MIPOL1: variants seen among roughly 807,000 people sequenced by gnomAD.
MIPOL1 encodes mirror-image polydactyly 1.
A neutral mutation model predicts 60.9 loss-of-function variants in MIPOL1; 57 were observed. That is an observed-to-expected ratio of 0.94 (90% CI 0.76 to 1.17). MIPOL1 has a LOEUF of 1.17. Ranked by LOEUF, MIPOL1 falls within the 50% of genes most tolerant of loss-of-function variation. The pLI is 0.00. For missense variants in MIPOL1, 551 were observed against 511.6 expected, an observed-to-expected ratio of 1.08 and a Z score of -0.74; for synonymous variants, 179 against 168.8, an observed-to-expected ratio of 1.06 and a Z score of -0.47.
chr14:37,241,573 T>A (rs1203470531), intron 1 of MIPOL1, among the ~76,000 whole-genome samples: 1 of 1,488 alleles, frequency 6.7e-4, no homozygotes, highest in Non-Finnish European at 1.1e-3. Context: ...CGGCAGGGTG[T>A]GGGGGTGAGG....
At chr14:37,397,449 A>G (rs951106724) in intron 10 of MIPOL1, among the ~76,000 whole-genome samples, 7 of 152,070 alleles carry the variant, frequency 4.6e-5, no homozygotes, top group Admixed American at 1.3e-4. Context: ...TTAATGTTCT[A>G]TTTTTGTGCT....
At chr14:37,492,720 A>G (rs762853591) in intron 11 of MIPOL1, among the ~76,000 whole-genome samples, 57 of 151,772 alleles carry the variant, frequency 3.8e-4, no homozygotes, top group Non-Finnish European at 6.6e-4. Flanking sequence ...TTTATCTTCT[A>G]AGTTCAACCC....
At chr14:37,423,675 G>T (rs935992504) in intron 11 of MIPOL1, 5 of 152,014 alleles carry the variant, frequency 3.3e-5, no homozygotes, top group African/African-American at 1.2e-4. Flanking sequence ...AAATCCTCAA[G>T]TCTGAAATGT....
rs565085187 is a variant in MIPOL1 at position 37,547,675 on chromosome 14, A to G, written c.*704A>G. On this transcript the variant is annotated 3_prime_UTR_variant, in exon 13 of 13. Transcript: ENST00000684589. ...TGTGTACTTATAAATTCACATTGTCAGTATTTTTTAATATTGGGTCTGAAT... is the reference window on the plus strand; with the variant it reads ...TGTGTACTTATAAATTCACATTGTCGGTATTTTTTAATATTGGGTCTGAAT... The G allele has an allele frequency of 7.9e-5, 12 of 152,720 alleles. No individual in the cohort carries two copies. Among genetic ancestry groups the G allele is most frequent in the African/African-American group, 2.9e-4 (12 of 41,588 alleles). The allele number at this position is 152,720 out of a possible 1,614,324, so 9.5% of individuals were successfully genotyped here.
downstream of MIPOL1, chr14:37,552,128 A>G (rs1479315926): frequency 2.0e-5 from 3 of 152,102 alleles, no homozygotes; most frequent in Non-Finnish European, 4.4e-5. Context: ...TAAAAGAGGA[A>G]TGGAGTGGAA....
intron 10 of MIPOL1, among the ~76,000 whole-genome samples, chr14:37,376,085 T>A (rs1205067798): frequency 5.3e-5 from 8 of 152,122 alleles, no homozygotes; most frequent in Admixed American, 5.2e-4. Flanking sequence ...ACACAGAGTT[T>A]CCATATATTC....
chr14:37,417,249 G>T (rs1294594051), intron 10 of MIPOL1, among the ~76,000 whole-genome samples: 1 of 152,100 alleles, frequency 6.6e-6, no homozygotes, highest in Non-Finnish European at 1.5e-5. Context: ...CACTGCCCAT[G>T]AATCAGTTTC....
intron 9 of MIPOL1, among the ~76,000 whole-genome samples, chr14:37,346,545 A>G (rs975134457): frequency 6.6e-6 from 1 of 152,164 alleles, no homozygotes; most frequent in Non-Finnish European, 1.5e-5. Flanking sequence ...TTGGCCTGAA[A>G]GTCCCCCTGC....
intron 12 of MIPOL1, among the ~76,000 whole-genome samples, chr14:37,508,558 A>G (rs1594790437): frequency 1.3e-5 from 2 of 152,292 alleles, no homozygotes; most frequent in Non-Finnish European, 2.9e-5. Flanking sequence ...TTAAAATCTC[A>G]AGCTTTGAAT....
At chr14:37,399,108 T>G (rs1440949507) in intron 10 of MIPOL1, among the ~76,000 whole-genome samples, 1 of 152,118 alleles carries the variant, frequency 6.6e-6, no homozygotes, top group East Asian at 1.9e-4. Flanking sequence ...TTATCAAAAT[T>G]TTCATTTTTG....
At chr14:37,487,278 A>T (rs1297986108) in intron 11 of MIPOL1, among the ~76,000 whole-genome samples, 5 of 152,096 alleles carry the variant, frequency 3.3e-5, no homozygotes, top group Non-Finnish European at 5.9e-5. Flanking sequence ...TTTATCAAGG[A>T]TATTTGCCTG....
chr14:37,537,862 G>A (rs1338199901), intron 12 of MIPOL1, among the ~76,000 whole-genome samples: 3 of 152,124 alleles, frequency 2.0e-5, no homozygotes, highest in African/African-American at 4.8e-5. Flanking sequence ...ACTTCAACAA[G>A]AAATGGTCTG....
At chr14:37,490,438 C>T (rs2095031350) in intron 11 of MIPOL1, among the ~76,000 whole-genome samples, 1 of 152,150 alleles carries the variant, frequency 6.6e-6, no homozygotes. Flanking sequence ...CTGGCTTCAG[C>T]CCCCTTTCCA....
chr14:37,358,077 A>G (rs2091969314), intron 9 of MIPOL1, among the ~76,000 whole-genome samples: 1 of 151,784 alleles, frequency 6.6e-6, no homozygotes, highest in Non-Finnish European at 1.5e-5. Flanking sequence ...TCTGTGAGTG[A>G]GAACATGCAG....
intron 10 of MIPOL1, among the ~76,000 whole-genome samples, chr14:37,408,218 A>C (rs191057876): frequency 1.3e-5 from 2 of 152,258 alleles, no homozygotes; most frequent in Admixed American, 1.3e-4. Context: ...CAATATTATT[A>C]GAGTGATTAT....
intron 11 of MIPOL1, among the ~76,000 whole-genome samples, chr14:37,465,778 T>A (rs2153585076): frequency 6.6e-6 from 1 of 152,244 alleles, no homozygotes; most frequent in South Asian, 2.1e-4. Flanking sequence ...ACATTTAAAC[T>A]ATTTCTCCTG....
intron 11 of MIPOL1, among the ~76,000 whole-genome samples, chr14:37,483,702 T>C (rs1384624562): frequency 1.3e-5 from 2 of 151,648 alleles, no homozygotes; most frequent in East Asian, 3.9e-4. Flanking sequence ...GTGGCATGAC[T>C]GTAGCTCACT....
At chr14:37,232,693 G>A (rs7151497) in intron 1 of MIPOL1, among the ~76,000 whole-genome samples, 68,404 of 152,038 alleles carry the variant, frequency 0.45, 17,857 homozygotes, top group African/African-American at 0.73. Context: ...ACTTGCATGT[G>A]TCACTTTTCT....
rs544423860 is a variant in MIPOL1 at position 37,549,591 on chromosome 14, A to T, written c.*2620A>T. On this transcript the variant is annotated 3_prime_UTR_variant, in exon 13 of 13. Coordinates refer to ENST00000684589, the MANE Select transcript of MIPOL1 (RefSeq NM_001388067.1). ...ACTATGAGTCTCTAAATCTCTCTGTAAGAAAAAAATTTCAAAGTAAAGATT... is the reference window on the plus strand; with the variant it reads ...ACTATGAGTCTCTAAATCTCTCTGTTAGAAAAAAATTTCAAAGTAAAGATT... 12 of 151,896 alleles carry T rather than the reference A, an allele frequency of 7.9e-5. No individual in the cohort carries two copies. The highest frequency in any genetic ancestry group is 1.6e-4 in the Non-Finnish European group (11 of 67,810). 9.4% of individuals were successfully genotyped at this position (151,896 alleles called of 1,614,324 possible).
Sources: gnomAD v4.1 joint callset for allele counts (sites outside exome capture counted in the v4.1 genomes callset) on GRCh38, gnomAD v4.1.1 for gene constraint, MANE v1.5 for transcripts, NCBI Gene and HGNC (gene_info 2026-07-23, HGNC 2026-07-21) for gene names.